Variants in MYO10 observed in about 807,000 individuals in gnomAD.
The protein encoded by MYO10 is unconventional myosin-X.
MYO10 carries 133 observed loss-of-function variants against 257.3 expected under a neutral mutation model. The ratio of observed to expected loss-of-function variants is 0.52; its 90% CI spans 0.45 to 0.60. The LOEUF (loss-of-function observed/expected upper bound fraction) is 0.60, where lower values mean the gene tolerates loss of function less well. Ranked by LOEUF, MYO10 falls within the 20% of genes least tolerant of loss-of-function variation. The pLI is 0.00. For missense variants in MYO10, 2,399 were observed against 2,635.7 expected (o/e 0.91, Z 1.97); for synonymous variants, 1,104 against 1,028.6 (o/e 1.07, Z -1.40).
chr5:16,685,963 G>C (rs546923646), intron 28 of MYO10, 132 bp from the exon 29 acceptor site: 1 of 666,542 alleles, frequency 1.5e-6, no homozygotes, highest in South Asian at 1.8e-5. Flanking sequence ...TACTTCTTAG[G>C]GGTAAATGTC....
At chr5:16,722,505 CGT>C (rs976555457) in intron 19 of MYO10, among the ~76,000 whole-genome samples, 17 of 56,910 alleles carry the variant, frequency 3.0e-4, no homozygotes, top group African/African-American at 7.8e-4. Context: ...GAAATGAAAA[CGT>C]TTTTTTGCTT....
intron 19 of MYO10, among the ~76,000 whole-genome samples, chr5:16,749,608 G>A (rs1369750109): frequency 2.0e-5 from 3 of 152,162 alleles, no homozygotes; most frequent in Non-Finnish European, 4.4e-5. Flanking sequence ...GGAGAAGGCT[G>A]GACTGAATCT....
chr5:16,846,420 G>A (rs1325096240), intron 2 of MYO10, among the ~76,000 whole-genome samples: 1 of 152,136 alleles, frequency 6.6e-6, no homozygotes, highest in African/African-American at 2.4e-5. Context: ...CCACACCCAA[G>A]CATAAAGGCT....
chr5:16,823,274 G>A (rs1212003931), intron 2 of MYO10, among the ~76,000 whole-genome samples: 4 of 149,136 alleles, frequency 2.7e-5, no homozygotes, highest in South Asian at 2.2e-4. Flanking sequence ...GTGAAATCCC[G>A]TCACTACTAA....
intron 3 of MYO10, among the ~76,000 whole-genome samples, chr5:16,805,458 CAAAA>C (rs36126574): frequency 1.8e-4 from 14 of 78,342 alleles, no homozygotes; most frequent in East Asian, 8.1e-4. Flanking sequence ...GACTCCATCT[CAAAA>C]AAAAAAAAAA....
intron 19 of MYO10, among the ~76,000 whole-genome samples, chr5:16,750,057 C>A (rs752536776): frequency 2.6e-5 from 4 of 152,030 alleles, no homozygotes; most frequent in African/African-American, 7.2e-5. Context: ...AAATCACAAT[C>A]AAAAAAGCTA....
At chr5:16,910,916 TA>T (rs1745640558) in intron 1 of MYO10, among the ~76,000 whole-genome samples, 1 of 152,092 alleles carries the variant, frequency 6.6e-6, no homozygotes, top group Non-Finnish European at 1.5e-5. Flanking sequence ...ACAAGTATCT[TA>T]GTATGACATC....
chr5:16,711,276 C>G, intron 19 of MYO10, 31 bp from the exon 20 acceptor site: 1 of 1,587,340 alleles, frequency 6.3e-7, no homozygotes, highest in Non-Finnish European at 8.6e-7. Flanking sequence ...AGATGGGATA[C>G]CATTAGAAAA....
intron 3 of MYO10, among the ~76,000 whole-genome samples, chr5:16,806,705 A>G (rs753297009): frequency 2.6e-5 from 4 of 152,120 alleles, no homozygotes; most frequent in Non-Finnish European, 4.4e-5. Flanking sequence ...GTGGCCTCAT[A>G]CAGGATGCTT....
chr5:16,771,551 TTATTA>T (rs1741050288), intron 9 of MYO10, among the ~76,000 whole-genome samples: 8 of 13,534 alleles, frequency 5.9e-4, no homozygotes, highest in Non-Finnish European at 8.9e-4. Flanking sequence ...TTATGATTTA[TTATTA>T]TTATTATTAT....
At chr5:16,693,378 A>G (rs1386995831) in intron 27 of MYO10, among the ~76,000 whole-genome samples, 1 of 152,208 alleles carries the variant, frequency 6.6e-6, no homozygotes, top group African/African-American at 2.4e-5. Flanking sequence ...CAGGATTCAG[A>G]CCCAGGATTC....
chr5:16,804,307 C>T (rs1207485756), intron 3 of MYO10, among the ~76,000 whole-genome samples: 1 of 152,236 alleles, frequency 6.6e-6, no homozygotes, highest in African/African-American at 2.4e-5. Context: ...CACAAAGGCT[C>T]CTTCCTCTGA....
intron 33 of MYO10, among the ~76,000 whole-genome samples, chr5:16,678,340 G>A (rs1736831289): frequency 6.6e-6 from 1 of 152,120 alleles, no homozygotes; most frequent in African/African-American, 2.4e-5. Context: ...AGCACTCTGG[G>A]AGGCTGAGGT....
chr5:16,793,759 G>A (rs747792241), intron 4 of MYO10, among the ~76,000 whole-genome samples: 6 of 152,014 alleles, frequency 3.9e-5, no homozygotes, highest in Admixed American at 6.6e-5. Context: ...GAGAAACTCC[G>A]TCTCTACTAA....
rs253342 is a variant in MYO10 at position 16,821,886 on chromosome 5, C to T, written c.121-3719G>A. On this transcript the variant is annotated intron_variant, in intron 2 of 40. Transcript: ENST00000513610. ...AGACAGAATCATGACGGGAGACAATCGCTACATGAATAAAACAGAAGGCTA... is the reference window on the plus strand; with the variant it reads ...AGACAGAATCATGACGGGAGACAATTGCTACATGAATAAAACAGAAGGCTA... Among the ~76,000 whole-genome samples, 692 of 149,192 alleles carry T rather than the reference C, an allele frequency of 4.6e-3. 9 individuals are homozygous for T. Among genetic ancestry groups the T allele is most frequent in the African/African-American group, 0.016 (659 of 40,612 alleles).
At chr5:16,768,981 T>C (rs1363519188) in intron 10 of MYO10, 93 bp downstream of exon 10, 7 of 1,416,912 alleles carry the variant, frequency 4.9e-6, no homozygotes, top group Non-Finnish European at 6.5e-6. Flanking sequence ...TGGCCAGAAT[T>C]TTCTTTCTGA....
intron 2 of MYO10, among the ~76,000 whole-genome samples, chr5:16,841,607 G>A (rs1743483181): frequency 1.3e-5 from 2 of 152,126 alleles, no homozygotes; most frequent in African/African-American, 4.8e-5. Context: ...TGAGAGAGAA[G>A]GATGGTTAGG....
At chr5:16,881,957 A>T (rs570382601) in intron 1 of MYO10, among the ~76,000 whole-genome samples, 17 of 152,364 alleles carry the variant, frequency 1.1e-4, no homozygotes, top group African/African-American at 2.2e-4. Context: ...CAATTTGATT[A>T]AAAAATTGCC....
At chr5:16,925,792 T>C (rs1746115194) in intron 1 of MYO10, among the ~76,000 whole-genome samples, 1 of 152,158 alleles carries the variant, frequency 6.6e-6, no homozygotes, top group South Asian at 2.1e-4. Context: ...TGGTGATAAA[T>C]CACAATATCA....
Sources: gnomAD v4.1 joint callset for allele counts (sites outside exome capture counted in the v4.1 genomes callset) on GRCh38, gnomAD v4.1.1 for gene constraint, MANE v1.5 for transcripts, NCBI Gene and HGNC (gene_info 2026-07-23, HGNC 2026-07-21) for gene names.